The following KCNN3 variants were observed in gnomAD, a reference collection of about 807,000 sequenced individuals.
KCNN3 encodes small conductance calcium-activated potassium channel protein 3.
In KCNN3, 16 loss-of-function variants were observed where a neutral mutation model predicts 62.9. The ratio of observed to expected loss-of-function variants is 0.25; its 90% CI spans 0.17 to 0.39. The LOEUF (loss-of-function observed/expected upper bound fraction) is 0.39. KCNN3 is among the 10% of genes least tolerant of loss of function. The pLI is 1.00. For synonymous variants in KCNN3, 370 were observed against 389.2 expected (o/e 0.95, Z 0.58); for missense variants, 599 against 949.4 (o/e 0.63, Z 4.85).
chr1:154,711,914 G>A (rs1700084827), intron 7 of KCNN3, among the ~76,000 whole-genome samples: 2 of 151,856 alleles, frequency 1.3e-5, no homozygotes, highest in South Asian at 2.1e-4. Flanking sequence ...GAGAGGGAGA[G>A]GAAGAGAGAG....
At chr1:154,748,827 T>C (rs1205948586) in intron 3 of KCNN3, among the ~76,000 whole-genome samples, 1 of 152,142 alleles carries the variant, frequency 6.6e-6, no homozygotes, top group Non-Finnish European at 1.5e-5. Context: ...CAGGGCATGG[T>C]GGTACGTGTC....
chr1:154,750,885 G>A (rs984669725), intron 3 of KCNN3, among the ~76,000 whole-genome samples: 2 of 152,308 alleles, frequency 1.3e-5, no homozygotes, highest in African/African-American at 2.4e-5. Flanking sequence ...TTCCTGGGGC[G>A]GTGAGAGCAG....
intron 3 of KCNN3, among the ~76,000 whole-genome samples, chr1:154,759,119 C>G (rs983995491): frequency 1.3e-5 from 2 of 152,202 alleles, no homozygotes; most frequent in Non-Finnish European, 2.9e-5. Context: ...AAAAAAATCA[C>G]ATTTTTAAAA....
intron 1 of KCNN3, among the ~76,000 whole-genome samples, chr1:154,845,239 C>T (rs1208862522): frequency 6.6e-6 from 1 of 152,216 alleles, no homozygotes; most frequent in Non-Finnish European, 1.5e-5. Flanking sequence ...CCAATTGTTT[C>T]AACTTGACAC....
At position 154,842,638 on chromosome 1, in the gene KCNN3, CCGCCA is replaced by C. The variant is rs1408736382; in HGVS notation, c.934-20459_934-20455del. On this transcript the variant is annotated intron_variant, in intron 1 of 7. Coordinates refer to ENST00000271915, the MANE Select transcript of KCNN3 (RefSeq NM_002249.6). ...TGTGGCTCATTCAGGGACCCCCCCC[CCGCCA>C]CCACCTCCTCTGTGAGCTTTCCCCG... Among the ~76,000 whole-genome samples the C allele has an allele frequency of 1.3e-4, 12 of 91,598 alleles. No homozygotes were observed. In the South Asian group the frequency reaches 2.3e-3, roughly 17 times the overall value. 60.1% of individuals were successfully genotyped at this position (91,598 alleles called of 152,430 possible).
At chr1:154,771,063 A>G (rs1300838288) in intron 3 of KCNN3, among the ~76,000 whole-genome samples, 2 of 13,628 alleles carry the variant, frequency 1.5e-4, no homozygotes, top group African/African-American at 2.4e-4. Flanking sequence ...TCTCAGATAA[A>G]TAAATAAATA....
At chr1:154,782,218 A>G (rs1257239297) in intron 2 of KCNN3, among the ~76,000 whole-genome samples, 2 of 152,168 alleles carry the variant, frequency 1.3e-5, no homozygotes, top group Non-Finnish European at 2.9e-5. Context: ...GAGACCACAG[A>G]CCCACTCCCA....
intron 3 of KCNN3, among the ~76,000 whole-genome samples, chr1:154,736,364 A>C (rs1307643475): frequency 6.6e-6 from 1 of 152,258 alleles, no homozygotes; most frequent in Non-Finnish European, 1.5e-5. Flanking sequence ...TGGAGTGGTG[A>C]GGCATTCATG....
chr1:154,862,608 G>A lies in KCNN3; in HGVS notation c.933+6424C>T, dbSNP rs1017810245. Among the ~76,000 whole-genome samples, 6 of 152,002 alleles carry A rather than the reference G, an allele frequency of 3.9e-5. No individual in the cohort carries two copies. The highest frequency in any genetic ancestry group is 1.2e-4 in the African/African-American group (5 of 41,360). ...CACCTACCCTCCTCACAACCTGCCC[G>A]GTATCACCCTGAGGGCAGCAGCACC... On this transcript the variant is annotated intron_variant, in intron 1 of 7. Coordinates refer to ENST00000271915, the MANE Select transcript of KCNN3 (RefSeq NM_002249.6). The surrounding 1 kb of genome is among the most constrained non-coding windows in gnomAD (Gnocchi z 4.1).
At chr1:154,780,236 C>T (rs1302819517) in intron 2 of KCNN3, among the ~76,000 whole-genome samples, 2 of 103,026 alleles carry the variant, frequency 1.9e-5, no homozygotes, top group Non-Finnish European at 3.7e-5. Context: ...AGTTTAGAGT[C>T]GATTCATTGG....
chr1:154,818,720 G>A (rs1027345793), intron 2 of KCNN3, among the ~76,000 whole-genome samples: 6 of 152,334 alleles, frequency 3.9e-5, no homozygotes, highest in African/African-American at 9.6e-5. Context: ...TGGACTTCCC[G>A]ATCTCCAGAA....
intron 3 of KCNN3, among the ~76,000 whole-genome samples, chr1:154,760,034 C>T (rs1312456375): frequency 1.3e-5 from 2 of 151,440 alleles, no homozygotes; most frequent in African/African-American, 2.4e-5. Context: ...CTTTTTGAGA[C>T]GGAGTCTCAC....
At chr1:154,780,372 A>G (rs1648980737) in intron 2 of KCNN3, among the ~76,000 whole-genome samples, 1 of 150,026 alleles carries the variant, frequency 6.7e-6, no homozygotes, top group Non-Finnish European at 1.5e-5. Context: ...CTGCTTAGAC[A>G]CTTTCTGACC....
At chr1:154,718,314 G>A (rs992985796) in intron 5 of KCNN3, among the ~76,000 whole-genome samples, 1 of 152,194 alleles carries the variant, frequency 6.6e-6, no homozygotes, top group African/African-American at 2.4e-5. Context: ...GCCAGACAAT[G>A]GGCTCTATGA....
intron 1 of KCNN3, among the ~76,000 whole-genome samples, chr1:154,827,076 T>A (rs537048355): frequency 6.6e-6 from 1 of 152,334 alleles, no homozygotes; most frequent in East Asian, 1.9e-4. Flanking sequence ...AATTTCTGAA[T>A]TAAGGTCTGA....
rs989226469 is a variant in KCNN3, at chr1:154,749,867, A to G, written c.1449-16723T>C. On this transcript the variant is annotated intron_variant, in intron 3 of 7. Coordinates refer to ENST00000271915, the MANE Select transcript of KCNN3 (RefSeq NM_002249.6). ...CCGTGGGGCTTGGGGAGACTACGGG[A>G]TGCTCCCGGACCACAAGCAGCCTGC... is the stretch of plus-strand genomic sequence containing the variant. Among the ~76,000 whole-genome samples the G allele has an allele frequency of 4.1e-4, 62 of 152,066 alleles. 2 individuals carry two copies. Among genetic ancestry groups the G allele is most frequent in the Non-Finnish European group, 2.4e-4 (16 of 68,002 alleles).
intron 1 of KCNN3, among the ~76,000 whole-genome samples, chr1:154,826,691 A>T (rs2101898656): frequency 6.6e-6 from 1 of 152,326 alleles, no homozygotes; most frequent in East Asian, 1.9e-4. Flanking sequence ...TGTGTTCCCC[A>T]GCTTCTGAGC....
chr1:154,805,214 G>A (rs544866486), intron 2 of KCNN3, among the ~76,000 whole-genome samples: 1 of 152,300 alleles, frequency 6.6e-6, no homozygotes, highest in African/African-American at 2.4e-5. Context: ...GGTGTGTTCT[G>A]GGCATGGTCT....
chr1:154,831,329 C>T (rs1651370620), intron 1 of KCNN3, among the ~76,000 whole-genome samples: 1 of 152,186 alleles, frequency 6.6e-6, no homozygotes. Flanking sequence ...TAACTCCCCA[C>T]CCCTACAGGG....
Sources: gnomAD v4.1 joint callset for allele counts (sites outside exome capture counted in the v4.1 genomes callset) on GRCh38, gnomAD v4.1.1 for gene constraint, Gnocchi (gnomAD v3.1) non-coding constraint, MANE v1.5 for transcripts, NCBI Gene and HGNC (gene_info 2026-07-23, HGNC 2026-07-21) for gene names.